CPA3: variants seen among roughly 807,000 people sequenced by gnomAD.
CPA3 encodes the protein mast cell carboxypeptidase A.
A neutral mutation model predicts 55.8 loss-of-function variants in CPA3; 52 were observed. The ratio of observed to expected loss-of-function variants is 0.93; its 90% CI spans 0.75 to 1.17. The LOEUF (loss-of-function observed/expected upper bound fraction) is 1.17. CPA3 is among the 50% of genes most tolerant of loss of function. CPA3 has a pLI of 0.00. For missense variants in CPA3, 547 were observed against 509.1 expected, an observed-to-expected ratio of 1.07 and a Z score of -0.72; for synonymous variants, 179 against 171.2, an observed-to-expected ratio of 1.05 and a Z score of -0.36.
intron 3 of CPA3, among the ~76,000 whole-genome samples, chr3:148,872,152 C>CT (rs1212410205): frequency 1.3e-5 from 2 of 152,032 alleles, no homozygotes; most frequent in South Asian, 2.1e-4. Context: ...ATACTTGTTT[C>CT]TTTTTTTACT....
rs747910859 is a variant in CPA3, at chr3:148,879,896, G to A, written c.576+7G>A. On this transcript the variant is annotated splice_region_variant and intron_variant, in intron 6 of 10. Coordinates refer to ENST00000296046, the MANE Select transcript of CPA3 (RefSeq NM_001870.4). The stretch of plus-strand genomic sequence containing the variant: ...CCAGTGGTTTGTCTATCAGGTAAGT[G>A]AATCAGAAGACTCCCAATTCTCCTT... The A allele has an allele frequency of 1.9e-6, 3 of 1,590,062 alleles. No homozygotes were observed. The highest frequency in any genetic ancestry group is 1.7e-6 in the Non-Finnish European group (2 of 1,158,534).
intron 3 of CPA3, among the ~76,000 whole-genome samples, chr3:148,876,506 A>G (rs1240977063): frequency 6.6e-6 from 1 of 151,938 alleles, no homozygotes; most frequent in Non-Finnish European, 1.5e-5. Flanking sequence ...TCACCCGAGT[A>G]GCTGAGACTA....
intron 8 of CPA3, 90 bp downstream of exon 8, chr3:148,882,685 T>C (rs113080458): frequency 1.0e-6 from 1 of 984,030 alleles, no homozygotes. Flanking sequence ...TCAGTAAAAA[T>C]AGTTATGCTT....
Position 148,875,297 on chromosome 3 carries a change from T to C in CPA3, c.270-3144T>C, listed in dbSNP as rs1256203180. ...AAGGTGAGTAATTCCTTTATTTATA[T>C]AGAGTCAATGAGAAATGAGATAAGC... is the stretch of plus-strand genomic sequence containing the variant. On this transcript the variant is annotated intron_variant, in intron 3 of 10. Transcript: ENST00000296046. Among the ~76,000 whole-genome samples, 4 of 152,250 alleles carry C rather than the reference T, an allele frequency of 2.6e-5. No individual in the cohort carries two copies. The East Asian group carries it at 5.8e-4, about 22-fold the overall frequency.
rs1215305039 is a variant in CPA3, at chr3:148,879,992, A to G, written c.576+103A>G. 21 of 759,900 alleles carry G rather than the reference A, an allele frequency of 2.8e-5. No individual in the cohort carries two copies. The East Asian group carries it at 5.4e-4, about 20-fold the overall frequency. The allele number at this position is 759,900 out of a possible 1,614,324, so 47.1% of individuals were successfully genotyped here. On this transcript the variant is annotated intron_variant, in intron 6 of 10. Transcript: ENST00000296046. Reference sequence around the variant, plus strand: ...AAACACGCAATTCCACTTAGCTAGAAGAGCCCATACTTGGTGCTGTCAGGG... The same window carrying G: ...AAACACGCAATTCCACTTAGCTAGAGGAGCCCATACTTGGTGCTGTCAGGG...
intron 3 of CPA3, among the ~76,000 whole-genome samples, chr3:148,874,054 T>G (rs961070650): frequency 1.3e-5 from 2 of 152,218 alleles, no homozygotes; most frequent in African/African-American, 2.4e-5. Flanking sequence ...GAAGGGCTTG[T>G]GAAAATAACA....
chr3:148,866,433 T>C (rs1239074145), intron 2 of CPA3, among the ~76,000 whole-genome samples: 1 of 152,230 alleles, frequency 6.6e-6, no homozygotes, highest in East Asian at 1.9e-4. Flanking sequence ...TAGTCTTGAC[T>C]CCCACAAAGC....
chr3:148,879,379 C>T (rs1714298261), intron 5 of CPA3, among the ~76,000 whole-genome samples: 1 of 152,158 alleles, frequency 6.6e-6, no homozygotes, highest in African/African-American at 2.4e-5. Flanking sequence ...CACTCCAACA[C>T]AACACAAGAT....
chr3:148,877,215 G>T (rs1483405184), intron 3 of CPA3, among the ~76,000 whole-genome samples: 2 of 152,188 alleles, frequency 1.3e-5, no homozygotes, highest in African/African-American at 2.4e-5. Flanking sequence ...GGAAGATGAG[G>T]CCGGGAGCAA....
At chr3:148,879,353 T>C (rs1714297889) in intron 5 of CPA3, among the ~76,000 whole-genome samples, 1 of 152,150 alleles carries the variant, frequency 6.6e-6, no homozygotes, top group Non-Finnish European at 1.5e-5. Flanking sequence ...AAGTATCCAG[T>C]ACTATTTCCC....
chr3:148,892,402 T>G (rs1714695873), intron 10 of CPA3, among the ~76,000 whole-genome samples: 1 of 152,046 alleles, frequency 6.6e-6, no homozygotes, highest in South Asian at 2.1e-4. Context: ...CCTGTAATCT[T>G]AGCACTTTGG....
Position 148,886,171 on chromosome 3 carries a change from ACAATTTGT to A in CPA3, c.1061_1066+2del, listed in dbSNP as rs1714523017. The A allele has an allele frequency of 6.2e-7, 1 of 1,604,180 alleles. No homozygotes were observed. Among genetic ancestry groups the A allele is most frequent in the South Asian group, 1.1e-5 (1 of 90,180 alleles). ...CTACATCTATGGCCCAATAGAATCA[ACAATTTGT>A]AAGTCATTCCTCTTATTTACTGAGC... On this transcript the variant is annotated splice_donor_variant and coding_sequence_variant, in exon 10 of 11. Transcript: ENST00000296046. LOFTEE classifies it high-confidence loss of function.
At chr3:148,888,950 GA>G (rs1195451806) in intron 10 of CPA3, among the ~76,000 whole-genome samples, 14 of 152,318 alleles carry the variant, frequency 9.2e-5, no homozygotes, top group Admixed American at 6.5e-4. Flanking sequence ...GGAAGGAGCG[GA>G]GAGCCAAAAC....
intron 6 of CPA3, 24 bp downstream of exon 6, chr3:148,879,913 A>G: frequency 6.6e-7 from 1 of 1,517,952 alleles, no homozygotes; most frequent in Non-Finnish European, 9.1e-7. Flanking sequence ...AAGACTCCCA[A>G]TTCTCCTTTG....
intron 5 of CPA3, 27 bp from the exon 6 acceptor site, chr3:148,879,761 C>T: frequency 4.0e-6 from 6 of 1,486,550 alleles, no homozygotes; most frequent in Non-Finnish European, 4.7e-6. Context: ...TTGTTCAAAA[C>T]AATATCTCAA....
At chr3:148,869,138 C>G in intron 3 of CPA3, 99 bp downstream of exon 3, 1 of 1,352,268 alleles carries the variant, frequency 7.4e-7, no homozygotes. Flanking sequence ...TTAATTGGGC[C>G]CCCCAGAACG....
intron 10 of CPA3, among the ~76,000 whole-genome samples, chr3:148,893,945 G>C (rs1289202408): frequency 6.6e-6 from 1 of 152,168 alleles, no homozygotes; most frequent in Non-Finnish European, 1.5e-5. Context: ...CAGAAATGAA[G>C]GAGGGAATAA....
chr3:148,890,397 A>C (rs1297945098), intron 10 of CPA3, among the ~76,000 whole-genome samples: 1 of 152,164 alleles, frequency 6.6e-6, no homozygotes, highest in Non-Finnish European at 1.5e-5. Context: ...TTCAAAGTAC[A>C]TTTCTTGTAG....
chr3:148,882,381 G>T (rs1223510781), intron 7 of CPA3, 124 bp from the exon 8 acceptor site: 1 of 591,088 alleles, frequency 1.7e-6, no homozygotes, highest in South Asian at 2.7e-5. Flanking sequence ...TATAATAAAG[G>T]GCCTCAAGTT....
Sources: gnomAD v4.1 joint callset for allele counts (sites outside exome capture counted in the v4.1 genomes callset) on GRCh38, gnomAD v4.1.1 for gene constraint, MANE v1.5 for transcripts, NCBI Gene and HGNC (gene_info 2026-07-23, HGNC 2026-07-21) for gene names.